Variants in MAF observed in about 807,000 individuals in gnomAD.
MAF encodes transcription factor Maf.
MAF carries 10 observed loss-of-function variants against 22.0 expected under a neutral mutation model. The ratio of observed to expected loss-of-function variants is 0.45; its 90% confidence interval spans 0.28 to 0.77. MAF has a LOEUF of 0.77. Among genes scored for constraint, MAF ranks in the 30% least tolerant of loss-of-function variants. The probability of loss-of-function intolerance (pLI) is 0.12; values close to 1 mark genes in which losing one functional copy is unlikely to be tolerated. For missense variants in MAF, 544 were observed against 548.4 expected (o/e 0.99, Z 0.08); for synonymous variants, 337 against 255.8 (o/e 1.32, Z -3.03).
the MAF span, among the ~76,000 whole-genome samples, chr16:79,518,328 T>G: frequency 0.94 from 142,979 of 152,266 alleles, 67,814 homozygotes; most frequent in East Asian, 1. Flanking sequence ...GCCTGGGAAT[T>G]TTGGTGTCCT....
In MAF at chr16:79,598,910, C is replaced by T; in HGVS notation, c.993G>A (p.Lys331=). The T allele has an allele frequency of 6.2e-7, 1 of 1,613,782 alleles. No homozygotes were observed. Among genetic ancestry groups the T allele is most frequent in the Non-Finnish European group, 8.5e-7 (1 of 1,179,980 alleles). The part of the protein sequence containing the change: ...NQLLQQVDHL[K]QEISRLVRER... ...CGCGCACCAGCCTGGAGATCTCCTG[C>T]TTGAGGTGGTCGACTTGCTGCAGCA... Residue 331 remains lysine, a synonymous_variant, in exon 1 of 2, where the codon AAG becomes AAA. Coordinates refer to ENST00000326043, the MANE Select transcript of MAF (RefSeq NM_005360.5).
At chr16:79,351,351 G>A in the MAF span, among the ~76,000 whole-genome samples, 3 of 152,158 alleles carry the variant, frequency 2.0e-5, no homozygotes, top group African/African-American at 7.2e-5. Flanking sequence ...GGTGTTTGCA[G>A]AAAAATTCTC....
At chr16:79,409,629 C>G in the MAF span, among the ~76,000 whole-genome samples, 1 of 152,208 alleles carries the variant, frequency 6.6e-6, no homozygotes, top group African/African-American at 2.4e-5. Flanking sequence ...AAACCCAGCT[C>G]ACTGAATCCC....
chr16:79,487,341 C>T, the MAF span, among the ~76,000 whole-genome samples: 1 of 151,990 alleles, frequency 6.6e-6, no homozygotes, highest in Admixed American at 6.6e-5. Context: ...CTGAGGGAGC[C>T]CTCTTGGGTG....
At chr16:79,302,263 T>C in the MAF span, among the ~76,000 whole-genome samples, 2 of 152,236 alleles carry the variant, frequency 1.3e-5, no homozygotes. Context: ...ACAAAGACAC[T>C]GGATTACGTT....
At chr16:79,471,157 G>A in the MAF span, among the ~76,000 whole-genome samples, 85 of 152,308 alleles carry the variant, frequency 5.6e-4, no homozygotes, top group African/African-American at 2.0e-3. Context: ...TGTGGAGGAA[G>A]GAGGCATACC....
chr16:79,493,118 C>G, the MAF span, among the ~76,000 whole-genome samples: 1 of 130,650 alleles, frequency 7.7e-6, no homozygotes. Flanking sequence ...CTACCATGCT[C>G]AGCTAATCTT....
chr16:79,506,656 G>T, the MAF span, among the ~76,000 whole-genome samples: 2 of 152,182 alleles, frequency 1.3e-5, no homozygotes, highest in African/African-American at 4.8e-5. Flanking sequence ...AGGAGGGGCT[G>T]GATGGAACTG....
the MAF span, among the ~76,000 whole-genome samples, chr16:79,381,563 T>C: frequency 1.1e-4 from 17 of 152,196 alleles, no homozygotes; most frequent in Non-Finnish European, 2.1e-4. Context: ...GAGCCCTAGA[T>C]TCTGATAGAT....
the MAF span, among the ~76,000 whole-genome samples, chr16:79,317,600 T>C: frequency 1.1e-4 from 16 of 151,964 alleles, no homozygotes; most frequent in Non-Finnish European, 2.4e-4. Flanking sequence ...CCACAAATTC[T>C]TACTTATTCC....
At chr16:79,348,034 C>G in the MAF span, among the ~76,000 whole-genome samples, 1 of 151,888 alleles carries the variant, frequency 6.6e-6, no homozygotes, top group African/African-American at 2.4e-5. Context: ...TTGCATAGTT[C>G]GATCCTCTTT....
At chr16:79,353,058 G>C in the MAF span, among the ~76,000 whole-genome samples, 2 of 151,688 alleles carry the variant, frequency 1.3e-5, no homozygotes, top group Non-Finnish European at 2.9e-5. Flanking sequence ...TGCCAAATCA[G>C]TCTTCTCTGA....
chr16:79,268,695 C>G, the MAF span, among the ~76,000 whole-genome samples: 2 of 152,114 alleles, frequency 1.3e-5, no homozygotes, highest in Non-Finnish European at 1.5e-5. Flanking sequence ...ATCAAACTAC[C>G]CAAGAAACAT....
At chr16:79,504,775 G>A in the MAF span, among the ~76,000 whole-genome samples, 2 of 152,190 alleles carry the variant, frequency 1.3e-5, no homozygotes, top group Non-Finnish European at 2.9e-5. Context: ...TTGGACTAAA[G>A]AAGCTGTTCT....
At chr16:79,423,126 G>A in the MAF span, among the ~76,000 whole-genome samples, 37,150 of 152,156 alleles carry the variant, frequency 0.24, 4,885 homozygotes, top group South Asian at 0.34. Flanking sequence ...TAAGTGTAAC[G>A]TGCACGTGAG....
the MAF span, among the ~76,000 whole-genome samples, chr16:79,503,581 A>C: frequency 2.0e-5 from 3 of 152,194 alleles, no homozygotes; most frequent in Non-Finnish European, 4.4e-5. Context: ...TGTGGATTTC[A>C]TTGTGGCTGG....
chr16:79,575,058 C>T, the MAF span, among the ~76,000 whole-genome samples: 1 of 151,408 alleles, frequency 6.6e-6, no homozygotes, highest in African/African-American at 2.4e-5. Flanking sequence ...GTCTGAGCCC[C>T]AACGGCCACT....
the MAF span, among the ~76,000 whole-genome samples, chr16:79,564,821 G>A: frequency 6.6e-6 from 1 of 152,192 alleles, no homozygotes; most frequent in Non-Finnish European, 1.5e-5. Context: ...TTGACAGAGG[G>A]ATGGACGCCT....
chr16:79,378,209 C>T, the MAF span, among the ~76,000 whole-genome samples: 18 of 152,150 alleles, frequency 1.2e-4, no homozygotes, highest in Middle Eastern at 3.4e-3. Flanking sequence ...TGCAGCAGTA[C>T]GGCAACTGAA....
Sources: gnomAD v4.1 joint callset for allele counts (sites outside exome capture counted in the v4.1 genomes callset) on GRCh38, gnomAD v4.1.1 for gene constraint, MANE v1.5 for transcripts, NCBI Gene and HGNC (gene_info 2026-07-23, HGNC 2026-07-21) for gene names.